The following CLEC1A variants were observed in gnomAD, a reference collection of about 807,000 sequenced individuals.
CLEC1A encodes the protein C-type lectin-like receptor-1.
In CLEC1A, 34 loss-of-function variants were observed where a neutral mutation model predicts 28.7. The observed-to-expected ratio is 1.18, with a 90% confidence interval of 0.90 to 1.57. The LOEUF (loss-of-function observed/expected upper bound fraction) is 1.57. Among genes scored for constraint, CLEC1A ranks in the 40% most tolerant of loss-of-function variants. CLEC1A has a pLI of 0.00. For synonymous variants in CLEC1A, 116 were observed against 121.0 expected (o/e 0.96, Z 0.27); for missense variants, 385 against 339.5 (o/e 1.13, Z -1.05).
chr12:10,098,361 T>A (rs1054045517), intron 1 of CLEC1A, among the ~76,000 whole-genome samples: 3 of 152,220 alleles, frequency 2.0e-5, no homozygotes, highest in Admixed American at 2.0e-4. Flanking sequence ...TGAATTAATA[T>A]ACTTAAAGTA....
At chr12:10,096,911 C>T (rs896647004) in intron 1 of CLEC1A, among the ~76,000 whole-genome samples, 6 of 152,016 alleles carry the variant, frequency 3.9e-5, no homozygotes, top group Non-Finnish European at 5.9e-5. Context: ...AAAATTAAGC[C>T]GAGAGCTTGG....
At chr12:10,096,309 G>A (rs1591924808) in intron 1 of CLEC1A, among the ~76,000 whole-genome samples, 1 of 152,112 alleles carries the variant, frequency 6.6e-6, no homozygotes, top group Non-Finnish European at 1.5e-5. Flanking sequence ...ACCTACCACC[G>A]AAGTCCCTTT....
intron 3 of CLEC1A, among the ~76,000 whole-genome samples, chr12:10,078,721 A>G: frequency 6.6e-6 from 1 of 152,140 alleles, no homozygotes; most frequent in Non-Finnish European, 1.5e-5. Flanking sequence ...ATATAGTTTG[A>G]ACATTTGTCC....
intron 3 of CLEC1A, among the ~76,000 whole-genome samples, chr12:10,076,558 A>C (rs537295143): frequency 4.6e-5 from 7 of 152,102 alleles, no homozygotes; most frequent in Non-Finnish European, 7.4e-5. Context: ...TAGCTTTTGC[A>C]CTCTCTCAGA....
chr12:10,096,556 C>T (rs903962558), intron 1 of CLEC1A, among the ~76,000 whole-genome samples: 5 of 152,114 alleles, frequency 3.3e-5, no homozygotes, highest in Non-Finnish European at 5.9e-5. Flanking sequence ...TTGTTTCTCC[C>T]TATCTAAATC....
chr12:10,085,196 A>AAC (rs144572464), intron 2 of CLEC1A, among the ~76,000 whole-genome samples: 14,350 of 129,014 alleles, frequency 0.11, 837 homozygotes, highest in East Asian at 0.19. Flanking sequence ...ATAAGACAAT[A>AAC]ACACACACAC....
intron 1 of CLEC1A, among the ~76,000 whole-genome samples, chr12:10,093,782 A>G (rs1486055613): frequency 2.0e-5 from 3 of 152,142 alleles, no homozygotes; most frequent in Non-Finnish European, 4.4e-5. Context: ...GGCAATGTAC[A>G]TAATATTTCA....
chr12:10,089,482 C>T (rs1447577327), intron 1 of CLEC1A, among the ~76,000 whole-genome samples: 2 of 152,038 alleles, frequency 1.3e-5, no homozygotes, highest in Admixed American at 6.6e-5. Context: ...CACTGAATCA[C>T]ACTATGCATT....
chr12:10,070,059 G>A lies in CLEC1A; in HGVS notation c.*1274C>T, dbSNP rs1207391700. 6.6e-6 allele frequency: 1 copy of A among 152,192 alleles called. No individual in the cohort carries two copies. Among genetic ancestry groups the A allele is most frequent in the African/African-American group, 2.4e-5 (1 of 41,434 alleles). 9.4% of individuals were successfully genotyped at this position (152,192 alleles called of 1,614,324 possible). On this transcript the variant is annotated 3_prime_UTR_variant, in exon 6 of 6. Transcript: ENST00000315330. ...TTATCAGTAAACCAATAAACTTGGT[G>A]GCTGTGATGGTGTCATTCCCAATGA...
intron 3 of CLEC1A, among the ~76,000 whole-genome samples, chr12:10,076,213 C>G (rs1001980438): frequency 1.3e-5 from 2 of 152,082 alleles, no homozygotes; most frequent in Non-Finnish European, 2.9e-5. Flanking sequence ...GTAGTGATCG[C>G]AAATATAGGT....
At chr12:10,097,367 C>T (rs1008453510) in intron 1 of CLEC1A, among the ~76,000 whole-genome samples, 3 of 152,062 alleles carry the variant, frequency 2.0e-5, no homozygotes, top group Non-Finnish European at 2.9e-5. Flanking sequence ...TTTTTATCAG[C>T]GAAGGTATAT....
intron 2 of CLEC1A, among the ~76,000 whole-genome samples, chr12:10,085,536 T>TAAAAAAAAAAAAA (rs71049044): frequency 7.8e-6 from 1 of 128,748 alleles, no homozygotes; most frequent in African/African-American, 2.8e-5. Flanking sequence ...GCAAAAACAG[T>TAAAAAAAAAAAAA]AAAAAAAAAA....
At chr12:10,096,708 G>A (rs1317122324) in intron 1 of CLEC1A, among the ~76,000 whole-genome samples, 1 of 152,014 alleles carries the variant, frequency 6.6e-6, no homozygotes, top group Non-Finnish European at 1.5e-5. Flanking sequence ...ATTGCTTATA[G>A]TTCTCTAAAA....
chr12:10,096,854 T>G (rs1947783946), intron 1 of CLEC1A, among the ~76,000 whole-genome samples: 1 of 152,164 alleles, frequency 6.6e-6, no homozygotes, highest in Admixed American at 6.5e-5. Context: ...ACTCCACAGT[T>G]GCTCCTTCTG....
intron 3 of CLEC1A, among the ~76,000 whole-genome samples, chr12:10,077,000 A>G (rs1281393416): frequency 1.3e-5 from 2 of 152,176 alleles, no homozygotes; most frequent in African/African-American, 4.8e-5. Context: ...AAATACCTTC[A>G]GTCTTCAGAT....
intron 2 of CLEC1A, among the ~76,000 whole-genome samples, chr12:10,083,389 G>T (rs1053879480): frequency 1.3e-5 from 2 of 152,218 alleles, no homozygotes; most frequent in Non-Finnish European, 2.9e-5. Flanking sequence ...GCCAGATAAA[G>T]AATTCAGAAG....
chr12:10,094,651 T>G (rs1947753290), intron 1 of CLEC1A, among the ~76,000 whole-genome samples: 1 of 152,130 alleles, frequency 6.6e-6, no homozygotes, highest in South Asian at 2.1e-4. Context: ...CATCTTCCTA[T>G]CCTCCCAACA....
In CLEC1A at chr12:10,098,816, C is replaced by T. The variant is rs1435026922; in HGVS notation, c.107G>A (p.Arg36Gln). 1.9e-6 allele frequency: 3 copies of T among 1,611,520 alleles called. No individual in the cohort carries two copies. The highest frequency in any genetic ancestry group is 1.1e-5 in the South Asian group (1 of 90,574). Residue 36 changes from arginine to glutamine, a missense_variant, in exon 1 of 6, where the codon CGG becomes CAG. Coordinates refer to ENST00000315330, the MANE Select transcript of CLEC1A (RefSeq NM_016511.4). The stretch of plus-strand genomic sequence containing the variant: ...TCCAGGAGACAGGGTACCTGTGCGC[C>T]GGGGCTCTGGATGCCGAGTTGTGGC... ...GSATTRHPEPRRTEHRAPSST... is the reference protein window; with the variant it reads ...GSATTRHPEPQRTEHRAPSST...
intron 3 of CLEC1A, among the ~76,000 whole-genome samples, chr12:10,080,495 G>C (rs529340360): frequency 6.6e-5 from 10 of 152,294 alleles, no homozygotes; most frequent in African/African-American, 2.4e-4. Context: ...GTGTATAGTA[G>C]ATGAGGAGAC....
Sources: gnomAD v4.1 joint callset for allele counts (sites outside exome capture counted in the v4.1 genomes callset) on GRCh38, gnomAD v4.1.1 for gene constraint, MANE v1.5 for transcripts, NCBI Gene and HGNC (gene_info 2026-07-23, HGNC 2026-07-21) for gene names.